CSMD2: variants seen among roughly 807,000 people sequenced by gnomAD.
CSMD2 encodes the protein CUB and sushi domain-containing protein 2.
Under a neutral mutation model 398.5 loss-of-function variants are expected in CSMD2, and 130 were observed. The ratio of observed to expected loss-of-function variants is 0.33; its 90% CI spans 0.28 to 0.38. The LOEUF (loss-of-function observed/expected upper bound fraction) is 0.38. CSMD2 is among the 10% of genes least tolerant of loss of function. CSMD2 has a pLI of 1.00. For missense variants in CSMD2, 3,829 were observed against 4,764.9 expected (o/e 0.80, Z 5.78); for synonymous variants, 1,828 against 1,908.5 (o/e 0.96, Z 1.10).
At chr1:33,914,221 G>C (rs888179170) in intron 5 of CSMD2, among the ~76,000 whole-genome samples, 2 of 152,110 alleles carry the variant, frequency 1.3e-5, no homozygotes, top group Non-Finnish European at 2.9e-5. Context: ...ACTCCAGCAG[G>C]GTCAGTGAGA....
At chr1:34,147,284 G>A (rs1023625211) in intron 1 of CSMD2, among the ~76,000 whole-genome samples, 11 of 151,908 alleles carry the variant, frequency 7.2e-5, no homozygotes, top group South Asian at 2.1e-4. Flanking sequence ...AAAAAATAAA[G>A]AAATAAAGAA....
At chr1:33,942,802 G>A (rs1432552200) in intron 3 of CSMD2, among the ~76,000 whole-genome samples, 5 of 152,144 alleles carry the variant, frequency 3.3e-5, no homozygotes, top group Non-Finnish European at 7.3e-5. Flanking sequence ...CAATCTCCAG[G>A]GCCTTTCTTG....
rs745595223 is a variant in CSMD2 at position 33,519,792 on chromosome 1, G to T, written c.10736+20C>A. On this transcript the variant is annotated intron_variant, in intron 69 of 70. Transcript: ENST00000373381. The surrounding 1 kb of genome is among the most constrained non-coding windows in gnomAD (Gnocchi z 5.6). ...GGGAGGCCTGCCTGATGCCCGCCCT[G>T]CCTCCTTCCTGCACGGTACCTGTGC... The T allele has an allele frequency of 4.3e-6, 7 of 1,613,422 alleles. No individual in the cohort carries two copies. The Admixed American group carries it at 1.2e-4, about 27-fold the overall frequency.
intron 53 of CSMD2, among the ~76,000 whole-genome samples, chr1:33,565,464 AAAAT>A (rs1557544408): frequency 6.6e-6 from 1 of 152,168 alleles, no homozygotes; most frequent in African/African-American, 2.4e-5. Flanking sequence ...TATATTAAAA[AAAAT>A]AAATAAACAA....
chr1:33,712,895 G>C (rs143637979), intron 21 of CSMD2, among the ~76,000 whole-genome samples: 1 of 152,070 alleles, frequency 6.6e-6, no homozygotes, highest in Admixed American at 6.5e-5. Flanking sequence ...TAAACCCTGG[G>C]GTTATTTAAT....
chr1:33,758,150 C>T (rs1649306473), intron 13 of CSMD2, among the ~76,000 whole-genome samples: 1 of 152,194 alleles, frequency 6.6e-6, no homozygotes, highest in South Asian at 2.1e-4. Context: ...CCTATTGCAC[C>T]CTACACTCCA....
chr1:33,749,059 C>T (rs1260293225), intron 13 of CSMD2, among the ~76,000 whole-genome samples: 1 of 146,428 alleles, frequency 6.8e-6, no homozygotes, highest in Non-Finnish European at 1.5e-5. Flanking sequence ...TTCCTGAGCT[C>T]AATGAGGAAA....
chr1:33,727,463 A>G (rs1646573863), intron 15 of CSMD2, among the ~76,000 whole-genome samples: 1 of 152,204 alleles, frequency 6.6e-6, no homozygotes, highest in African/African-American at 2.4e-5. Flanking sequence ...TAAGGTAGTC[A>G]TTAGAGCTAT....
chr1:33,789,084 T>G (rs113972113), intron 11 of CSMD2, among the ~76,000 whole-genome samples: 1 of 152,194 alleles, frequency 6.6e-6, no homozygotes, highest in African/African-American at 2.4e-5. Context: ...GTGTGACCTG[T>G]ATTGCAGAAA....
At chr1:34,017,132 C>G (rs1182576578) in intron 3 of CSMD2, among the ~76,000 whole-genome samples, 1 of 152,192 alleles carries the variant, frequency 6.6e-6, no homozygotes, top group African/African-American at 2.4e-5. Context: ...CTTGATCAAT[C>G]AAAGCCTTGC....
chr1:34,165,375 G>A, upstream of CSMD2: 1 of 1,157,464 alleles, frequency 8.6e-7, no homozygotes. Flanking sequence ...CTTCTCCGCC[G>A]CTCCAAATGC....
intron 11 of CSMD2, among the ~76,000 whole-genome samples, chr1:33,790,406 CT>C (rs1557898002): frequency 1.3e-5 from 2 of 152,186 alleles, no homozygotes; most frequent in Non-Finnish European, 2.9e-5. Context: ...GGACCCTCCC[CT>C]GAATAAGAGA....
chr1:33,785,997 G>T (rs1426869425), intron 12 of CSMD2, among the ~76,000 whole-genome samples: 1 of 152,166 alleles, frequency 6.6e-6, no homozygotes, highest in Non-Finnish European at 1.5e-5. Flanking sequence ...CCAAGCTGAG[G>T]TCCCACATCT....
At chr1:34,072,182 A>C (rs1655800099) in intron 2 of CSMD2, among the ~76,000 whole-genome samples, 1 of 152,242 alleles carries the variant, frequency 6.6e-6, no homozygotes, top group African/African-American at 2.4e-5. Flanking sequence ...GGGTACAATA[A>C]TTTGGCTCTT....
chr1:33,612,940 C>T (rs921152376), intron 40 of CSMD2, among the ~76,000 whole-genome samples: 5 of 152,234 alleles, frequency 3.3e-5, no homozygotes, highest in African/African-American at 1.2e-4. Context: ...GCTTTCCATT[C>T]CACTGCCCAG....
chr1:33,918,032 G>C (rs1643813979), intron 5 of CSMD2, 62 bp downstream of exon 5: 1 of 1,487,536 alleles, frequency 6.7e-7, no homozygotes, highest in Admixed American at 1.7e-5. Context: ...GAGACTGCAA[G>C]CATCCCAGTA....
At chr1:33,623,222 C>G in intron 36 of CSMD2, 148 bp downstream of exon 36, 1 of 640,162 alleles carries the variant, frequency 1.6e-6, no homozygotes, top group South Asian at 2.0e-5. Flanking sequence ...TTTCGAATCT[C>G]CTGAAAACCA....
chr1:33,936,730 T>G (rs981639530), intron 3 of CSMD2, among the ~76,000 whole-genome samples: 1 of 152,230 alleles, frequency 6.6e-6, no homozygotes, highest in Non-Finnish European at 1.5e-5. Flanking sequence ...GTCAGTCACC[T>G]GTTCTAACTG....
At chr1:33,800,090 A>AT (rs1655414354) in intron 10 of CSMD2, among the ~76,000 whole-genome samples, 2 of 151,990 alleles carry the variant, frequency 1.3e-5, no homozygotes, top group Admixed American at 1.3e-4. Context: ...CTTACCTCCC[A>AT]TATTTCTCCT....
Sources: allele counts gnomAD v4.1 joint callset (sites outside exome capture counted in the v4.1 genomes callset), GRCh38; gene constraint gnomAD v4.1.1; non-coding constraint Gnocchi (gnomAD v3.1); transcripts MANE v1.5; gene names NCBI Gene and HGNC (gene_info 2026-07-23, HGNC 2026-07-21).